Variants in SGMS1 observed in about 807,000 individuals in gnomAD.
SGMS1 encodes sphingomyelin synthase 1.
In SGMS1, 13 loss-of-function variants were observed where a neutral mutation model predicts 46.2. That is an observed-to-expected ratio of 0.28 (90% CI 0.18 to 0.45). The LOEUF is 0.45. Ranked by LOEUF, SGMS1 falls within the 20% of genes least tolerant of loss-of-function variation. The pLI is 1.00. For synonymous variants in SGMS1, 203 were observed against 187.8 expected, an observed-to-expected ratio of 1.08 and a Z score of -0.66; for missense variants, 324 against 519.9, an observed-to-expected ratio of 0.62 and a Z score of 3.66.
intron 6 of SGMS1, among the ~76,000 whole-genome samples, chr10:50,408,444 A>AAT (rs1554935189): frequency 4.7e-5 from 7 of 148,002 alleles, no homozygotes; most frequent in Non-Finnish European, 8.9e-5. Context: ...AAAAAAAAAA[A>AAT]AAAAAAAAAA....
chr10:50,543,588 T>C (rs764172293), intron 2 of SGMS1, among the ~76,000 whole-genome samples: 7 of 152,200 alleles, frequency 4.6e-5, no homozygotes, highest in Admixed American at 1.3e-4. Flanking sequence ...GTTCCACTTA[T>C]AGAGGAGACA....
At chr10:50,558,749 CT>C (rs1838209348) in intron 2 of SGMS1, among the ~76,000 whole-genome samples, 1 of 152,166 alleles carries the variant, frequency 6.6e-6, no homozygotes, top group African/African-American at 2.4e-5. Context: ...GGATGGAGAA[CT>C]TTATGATGAT....
intron 2 of SGMS1, among the ~76,000 whole-genome samples, chr10:50,533,207 C>A (rs1007253520): frequency 2.6e-5 from 4 of 152,164 alleles, no homozygotes; most frequent in African/African-American, 9.7e-5. Context: ...TCACCGAAAT[C>A]TTTGACAAAG....
chr10:50,368,543 A>G (rs1020249129), intron 6 of SGMS1, among the ~76,000 whole-genome samples: 6 of 152,106 alleles, frequency 3.9e-5, no homozygotes, highest in African/African-American at 1.4e-4. Flanking sequence ...TTTTGTAGAG[A>G]CAGGGTTTCA....
At chr10:50,562,364 G>GTGCA (rs1838246670) in intron 2 of SGMS1, among the ~76,000 whole-genome samples, 3 of 146,938 alleles carry the variant, frequency 2.0e-5, no homozygotes, top group Non-Finnish European at 4.5e-5. Flanking sequence ...GTGCGCGCGC[G>GTGCA]CACACACACA....
intron 5 of SGMS1, among the ~76,000 whole-genome samples, chr10:50,441,779 A>C (rs1407775115): frequency 6.6e-6 from 1 of 152,240 alleles, no homozygotes; most frequent in Non-Finnish European, 1.5e-5. Context: ...ATTCCTTAGC[A>C]GTAGTCTCAT....
At chr10:50,322,909 C>A (rs1589384792) in intron 8 of SGMS1, among the ~76,000 whole-genome samples, 1 of 150,220 alleles carries the variant, frequency 6.7e-6, no homozygotes, top group East Asian at 2.0e-4. Context: ...GTCTTTGGAG[C>A]TATGATGAGA....
chr10:50,454,050 CAA>C (rs71846628), intron 5 of SGMS1, among the ~76,000 whole-genome samples: 7,574 of 97,882 alleles, frequency 0.077, 530 homozygotes, highest in East Asian at 0.39. Flanking sequence ...TTTACATAGG[CAA>C]AAAAAAAAAA....
chr10:50,608,772 A>G lies in SGMS1; in HGVS notation c.-684+14935T>C, dbSNP rs78309389. On this transcript the variant is annotated intron_variant, in intron 1 of 10. Transcript: ENST00000361781. ...GAGACATTCTTTTTGTAGACTTCCT[A>G]TGAATACAATCACCCCTCAGTAACT... Among the ~76,000 whole-genome samples the G allele has an allele frequency of 1.0e-3, 156 of 152,260 alleles. 1 individual carries two copies. In the Middle Eastern group the frequency reaches 0.014, roughly 13 times the overall value.
At chr10:50,500,256 G>A (rs1041264226) in intron 3 of SGMS1, among the ~76,000 whole-genome samples, 2 of 152,084 alleles carry the variant, frequency 1.3e-5, no homozygotes, top group South Asian at 4.1e-4. Context: ...TTTTTATCAG[G>A]CTTCTCATTT....
intron 2 of SGMS1, among the ~76,000 whole-genome samples, chr10:50,521,863 C>G (rs1306943264): frequency 6.6e-6 from 1 of 152,108 alleles, no homozygotes; most frequent in Non-Finnish European, 1.5e-5. Flanking sequence ...TTTTGATCAC[C>G]CAGCCAAGGT....
chr10:50,454,080 A>C (rs1247310867), intron 5 of SGMS1, among the ~76,000 whole-genome samples: 1 of 151,210 alleles, frequency 6.6e-6, no homozygotes, highest in African/African-American at 2.4e-5. Flanking sequence ...GAAAGAAAGA[A>C]AGAAATGAGT....
chr10:50,437,199 G>A (rs865836555), intron 5 of SGMS1, among the ~76,000 whole-genome samples: 3 of 152,174 alleles, frequency 2.0e-5, no homozygotes, highest in Admixed American at 2.0e-4. Flanking sequence ...AAAAAAAGAG[G>A]TATCCCAGTA....
chr10:50,610,273 T>C (rs769306709), intron 1 of SGMS1, among the ~76,000 whole-genome samples: 4 of 152,192 alleles, frequency 2.6e-5, no homozygotes, highest in East Asian at 1.9e-4. Flanking sequence ...AAGAGAAAGA[T>C]AGAAATATGA....
chr10:50,323,658 A>T (rs1416524069), intron 8 of SGMS1, among the ~76,000 whole-genome samples: 1 of 152,184 alleles, frequency 6.6e-6, no homozygotes, highest in Non-Finnish European at 1.5e-5. Flanking sequence ...CAGATACTTT[A>T]AACTCTGTGT....
At chr10:50,490,525 C>T (rs911941905) in intron 3 of SGMS1, among the ~76,000 whole-genome samples, 1 of 152,182 alleles carries the variant, frequency 6.6e-6, no homozygotes, top group African/African-American at 2.4e-5. Context: ...CTCGATTTCA[C>T]ATCATATGGT....
intron 1 of SGMS1, among the ~76,000 whole-genome samples, chr10:50,596,687 T>C (rs759061814): frequency 1.5e-4 from 23 of 152,204 alleles, no homozygotes; most frequent in Non-Finnish European, 3.2e-4. Context: ...CTCAGGTCAG[T>C]ATGAGGTGTT....
intron 3 of SGMS1, among the ~76,000 whole-genome samples, chr10:50,480,615 T>C (rs1837467784): frequency 6.6e-6 from 1 of 151,752 alleles, no homozygotes; most frequent in Admixed American, 6.6e-5. Context: ...GCTCTTTCCA[T>C]AGATCTGTGC....
At chr10:50,541,430 T>C (rs1838051271) in intron 2 of SGMS1, among the ~76,000 whole-genome samples, 1 of 152,198 alleles carries the variant, frequency 6.6e-6, no homozygotes, top group South Asian at 2.1e-4. Context: ...TCATCTTTCA[T>C]TGACTATCTA....
Sources: gnomAD v4.1 joint callset for allele counts (sites outside exome capture counted in the v4.1 genomes callset) on GRCh38, gnomAD v4.1.1 for gene constraint, MANE v1.5 for transcripts, NCBI Gene and HGNC (gene_info 2026-07-23, HGNC 2026-07-21) for gene names.